Variants in OIT3 observed in about 807,000 individuals in gnomAD.
The protein encoded by OIT3 is oncoprotein induced transcript 3.
In OIT3, 41 loss-of-function variants were observed where a neutral mutation model predicts 52.2. The observed-to-expected ratio is 0.79, with a 90% CI of 0.61 to 1.02. OIT3 has a LOEUF of 1.02. Ranked by LOEUF, OIT3 falls within the 50% of genes least tolerant of loss-of-function variation. The pLI is 0.00. For synonymous variants in OIT3, 244 were observed against 276.9 expected, an observed-to-expected ratio of 0.88 and a Z score of 1.18; for missense variants, 634 against 715.5, an observed-to-expected ratio of 0.89 and a Z score of 1.30.
intron 4 of OIT3, among the ~76,000 whole-genome samples, chr10:72,907,048 C>G (rs1845986961): frequency 6.6e-6 from 1 of 152,084 alleles, no homozygotes; most frequent in Admixed American, 6.6e-5. Flanking sequence ...GGGAGGATCA[C>G]TTGAGGCCAG....
intron 5 of OIT3, 108 bp from the exon 6 acceptor site, chr10:72,913,200 G>A (rs1344122263): frequency 1.2e-6 from 1 of 801,078 alleles, no homozygotes; most frequent in East Asian, 2.5e-5. Context: ...GATTTCCTTG[G>A]GGATGGAACA....
intron 6 of OIT3, among the ~76,000 whole-genome samples, chr10:72,922,249 T>C (rs1194326676): frequency 6.6e-6 from 1 of 152,178 alleles, no homozygotes; most frequent in Admixed American, 6.5e-5. Context: ...GTTGGGGAAG[T>C]GCTCATGGAT....
intron 6 of OIT3, among the ~76,000 whole-genome samples, chr10:72,916,938 C>CT (rs369315205): frequency 6.6e-6 from 1 of 151,922 alleles, no homozygotes; most frequent in Non-Finnish European, 1.5e-5. Context: ...TGATGTTGAG[C>CT]TTTTTTTTCA....
At chr10:72,911,953 G>A in intron 5 of OIT3, 114 bp downstream of exon 5, 1 of 867,556 alleles carries the variant, frequency 1.2e-6, no homozygotes. Flanking sequence ...TAGAACAATG[G>A]CTCTTCGAGC....
intron 6 of OIT3, among the ~76,000 whole-genome samples, chr10:72,916,278 T>C (rs993919309): frequency 1.2e-4 from 18 of 152,244 alleles, no homozygotes; most frequent in African/African-American, 4.3e-4. Context: ...ACCCAGGTAT[T>C]AAGCCTACTA....
At chr10:72,899,561 A>G (rs1392131289) in intron 2 of OIT3, among the ~76,000 whole-genome samples, 1 of 149,678 alleles carries the variant, frequency 6.7e-6, no homozygotes, top group Non-Finnish European at 1.5e-5. Flanking sequence ...GTGCCATTGC[A>G]CTCCAGCCTG....
chr10:72,929,589 T>A (rs77664034), intron 7 of OIT3, among the ~76,000 whole-genome samples: 1 of 151,734 alleles, frequency 6.6e-6, no homozygotes, highest in African/African-American at 2.4e-5. Context: ...TTTTTTTTTT[T>A]AGAGACAAGG....
intron 6 of OIT3, among the ~76,000 whole-genome samples, chr10:72,921,045 T>C (rs1846116790): frequency 6.6e-6 from 1 of 152,210 alleles, no homozygotes; most frequent in South Asian, 2.1e-4. Flanking sequence ...TATTATTGTG[T>C]GGGAATCTAA....
At chr10:72,902,394 T>C (rs1845942066) in intron 3 of OIT3, among the ~76,000 whole-genome samples, 3 of 152,192 alleles carry the variant, frequency 2.0e-5, no homozygotes, top group Non-Finnish European at 2.9e-5. Flanking sequence ...TACAGCAAAC[T>C]GTCCAGCTCT....
At chr10:72,922,467 A>G (rs1846130027) in intron 6 of OIT3, among the ~76,000 whole-genome samples, 1 of 151,780 alleles carries the variant, frequency 6.6e-6, no homozygotes, top group East Asian at 1.9e-4. Flanking sequence ...TGCTTGATCA[A>G]TTCTGCTTTT....
chr10:72,895,785 C>T (rs1038773524), intron 1 of OIT3, among the ~76,000 whole-genome samples: 2 of 152,146 alleles, frequency 1.3e-5, no homozygotes, highest in African/African-American at 4.8e-5. Flanking sequence ...AAGTGGGCAT[C>T]TTAGCAAACC....
chr10:72,901,124 C>G (rs985070404), intron 3 of OIT3, among the ~76,000 whole-genome samples: 7 of 151,886 alleles, frequency 4.6e-5, no homozygotes, highest in Non-Finnish European at 7.4e-5. Flanking sequence ...AAATATTTTG[C>G]ATATAATTGG....
chr10:72,911,283 T>C (rs1157418334), intron 4 of OIT3, among the ~76,000 whole-genome samples: 1 of 152,184 alleles, frequency 6.6e-6, no homozygotes, highest in African/African-American at 2.4e-5. Flanking sequence ...CAGTCCACAA[T>C]AAGTCAGATC....
chr10:72,916,607 T>C (rs1846075231), intron 6 of OIT3, among the ~76,000 whole-genome samples: 1 of 152,222 alleles, frequency 6.6e-6, no homozygotes, highest in South Asian at 2.1e-4. Flanking sequence ...ATGTCTTTGC[T>C]CTTGTGAATA....
At chr10:72,912,929 C>G (rs1589525335) in intron 5 of OIT3, among the ~76,000 whole-genome samples, 1 of 152,112 alleles carries the variant, frequency 6.6e-6, no homozygotes, top group Admixed American at 6.5e-5. Flanking sequence ...ACAGCAGTAT[C>G]GTTATGTACC....
intron 6 of OIT3, 104 bp from the exon 7 acceptor site, chr10:72,924,125 A>C (rs1846145176): frequency 5.0e-6 from 5 of 1,001,460 alleles, no homozygotes; most frequent in Non-Finnish European, 7.4e-6. Context: ...CAAATCTCTA[A>C]TGTGTTTTGA....
intron 7 of OIT3, 122 bp from the exon 8 acceptor site, chr10:72,930,416 C>T (rs1846205492): frequency 6.9e-6 from 5 of 727,604 alleles, no homozygotes; most frequent in Middle Eastern, 2.4e-4. Context: ...TCCCAAAAAG[C>T]TTGAGTACAG....
chr10:72,899,419 AC>A (rs1466008251), intron 2 of OIT3, among the ~76,000 whole-genome samples: 1 of 151,846 alleles, frequency 6.6e-6, no homozygotes, highest in Non-Finnish European at 1.5e-5. Context: ...ATATGGTGAA[AC>A]CCTGTCTCTA....
chr10:72,909,751 C>T (rs1018046369), intron 4 of OIT3, among the ~76,000 whole-genome samples: 3 of 152,038 alleles, frequency 2.0e-5, no homozygotes, highest in Non-Finnish European at 2.9e-5. Flanking sequence ...CAACTGCCAC[C>T]ATGCCCTGCT....
Sources: gnomAD v4.1 joint callset for allele counts (sites outside exome capture counted in the v4.1 genomes callset) on GRCh38, gnomAD v4.1.1 for gene constraint, MANE v1.5 for transcripts, NCBI Gene and HGNC (gene_info 2026-07-23, HGNC 2026-07-21) for gene names.